The following PPARGC1A variants were observed in gnomAD, a reference collection of about 807,000 sequenced individuals.
The protein encoded by PPARGC1A is peroxisome proliferator-activated receptor gamma coactivator 1-alpha.
Under a neutral mutation model 88.7 loss-of-function variants are expected in PPARGC1A, and 25 were observed. The ratio of observed to expected loss-of-function variants is 0.28; its 90% CI spans 0.21 to 0.39. PPARGC1A has a LOEUF of 0.39. Ranked by LOEUF, PPARGC1A falls within the 10% of genes least tolerant of loss-of-function variation. The probability of loss-of-function intolerance (pLI) is 1.00; values close to 1 mark genes in which losing one functional copy is unlikely to be tolerated. For synonymous variants in PPARGC1A, 363 were observed against 355.6 expected (o/e 1.02, Z -0.24); for missense variants, 880 against 968.7 (o/e 0.91, Z 1.22).
At chr4:23,961,564 G>T in the PPARGC1A span, among the ~76,000 whole-genome samples, 3 of 152,152 alleles carry the variant, frequency 2.0e-5, no homozygotes, top group Non-Finnish European at 2.9e-5. Context: ...CAACCAGGCT[G>T]ACTGAGAAGG....
the PPARGC1A span, among the ~76,000 whole-genome samples, chr4:24,219,063 A>G: frequency 6.6e-6 from 1 of 152,192 alleles, no homozygotes; most frequent in Admixed American, 6.5e-5. Context: ...GACAAGAAAG[A>G]GGGGCTTATT....
the PPARGC1A span, among the ~76,000 whole-genome samples, chr4:24,047,189 G>T: frequency 0.29 from 43,586 of 152,036 alleles, 6,661 homozygotes; most frequent in South Asian, 0.45. Context: ...TCCCGTCAGA[G>T]TGATGCTCTC....
the PPARGC1A span, among the ~76,000 whole-genome samples, chr4:24,167,929 T>C: frequency 5.9e-5 from 9 of 152,180 alleles, no homozygotes; most frequent in South Asian, 1.9e-3. Flanking sequence ...ACTTTTTTTA[T>C]ATTTTTGGTA....
chr4:24,229,750 C>G, the PPARGC1A span, among the ~76,000 whole-genome samples: 94 of 149,702 alleles, frequency 6.3e-4, no homozygotes, highest in African/African-American at 2.2e-3. Context: ...GAGGCTGAGA[C>G]AGGAGAATCA....
At chr4:23,894,886 C>A (rs1718342873), upstream of PPARGC1A, among the ~76,000 whole-genome samples, 1 of 151,956 alleles carries the variant, frequency 6.6e-6, no homozygotes. Flanking sequence ...TTTCATTTAC[C>A]TTAATTATTC....
chr4:24,437,593 T>TG, the PPARGC1A span, among the ~76,000 whole-genome samples: 116 of 114,876 alleles, frequency 1.0e-3, no homozygotes, highest in South Asian at 4.1e-3. Context: ...GGCACAGGTT[T>TG]TTTGTTGTTG....
chr4:24,175,328 T>C, the PPARGC1A span, among the ~76,000 whole-genome samples: 1 of 151,770 alleles, frequency 6.6e-6, no homozygotes, highest in African/African-American at 2.4e-5. Flanking sequence ...CCATTGAGCT[T>C]ACTCTGATTT....
At chr4:24,196,296 G>C in the PPARGC1A span, among the ~76,000 whole-genome samples, 1 of 152,194 alleles carries the variant, frequency 6.6e-6, no homozygotes, top group South Asian at 2.1e-4. Context: ...GAGAAGGAGA[G>C]AAAAATGAAA....
the PPARGC1A span, among the ~76,000 whole-genome samples, chr4:24,023,610 C>T: frequency 2.2e-4 from 33 of 152,282 alleles, no homozygotes; most frequent in African/African-American, 6.3e-4. Flanking sequence ...TTCCCTTTGA[C>T]ACTTAAAATA....
the PPARGC1A span, among the ~76,000 whole-genome samples, chr4:23,958,575 T>G: frequency 6.6e-6 from 1 of 152,162 alleles, no homozygotes; most frequent in Non-Finnish European, 1.5e-5. Context: ...TATCAATTTT[T>G]CTCAAATACA....
the PPARGC1A span, among the ~76,000 whole-genome samples, chr4:23,991,085 A>G: frequency 1.3e-5 from 2 of 152,060 alleles, no homozygotes; most frequent in African/African-American, 2.4e-5. Flanking sequence ...CATATTACTA[A>G]TATTAACCAG....
At chr4:24,391,549 TG>T in the PPARGC1A span, among the ~76,000 whole-genome samples, 2 of 152,164 alleles carry the variant, frequency 1.3e-5, no homozygotes, top group African/African-American at 4.8e-5. Flanking sequence ...ACAATAATGG[TG>T]GTGTGGTCCC....
the PPARGC1A span, among the ~76,000 whole-genome samples, chr4:24,453,974 T>C: frequency 6.6e-6 from 1 of 152,096 alleles, no homozygotes; most frequent in Admixed American, 6.5e-5. Context: ...ATAGAAGTGA[T>C]GCTTTATTAG....
chr4:24,357,376 C>A, the PPARGC1A span, among the ~76,000 whole-genome samples: 14 of 152,330 alleles, frequency 9.2e-5, no homozygotes, highest in East Asian at 2.7e-3. Context: ...TCTTACTCCC[C>A]AGATTATACT....
chr4:23,831,590 G>A lies in PPARGC1A; in HGVS notation c.396C>T (p.Thr132=), dbSNP rs1204332339. 4 of 1,613,954 alleles carry A rather than the reference G, an allele frequency of 2.5e-6. No homozygotes were observed. Among genetic ancestry groups the A allele is most frequent in the Middle Eastern group, 1.6e-4 (1 of 6,068 alleles). ...GCTCTTCTGCCTCCTGGGGTGGAGG[G>A]GTGCCGTCAGGCATGGAGGAAGGAC... is the stretch of plus-strand genomic sequence containing the variant. ...EASPSSMPDG[T]PPPQEAEEPS... The change falls in exon 3 of 13, where the codon ACC becomes ACT. Residue 132 remains threonine, a synonymous_variant. Coordinates refer to ENST00000264867, the MANE Select transcript of PPARGC1A (RefSeq NM_013261.5).
the PPARGC1A span, among the ~76,000 whole-genome samples, chr4:24,185,400 A>G: frequency 6.6e-6 from 1 of 152,210 alleles, no homozygotes; most frequent in Non-Finnish European, 1.5e-5. Flanking sequence ...GAATTTTCCT[A>G]AAAGAAAAGA....
At chr4:23,844,307 C>CATATT (rs1727592785) in intron 2 of PPARGC1A, among the ~76,000 whole-genome samples, 1 of 40,264 alleles carries the variant, frequency 2.5e-5, no homozygotes, top group Non-Finnish European at 4.3e-5. Context: ...TACATGACAA[C>CATATT]ATATTATATT....
At chr4:24,294,058 A>G in the PPARGC1A span, among the ~76,000 whole-genome samples, 1 of 152,156 alleles carries the variant, frequency 6.6e-6, no homozygotes, top group Admixed American at 6.5e-5. Context: ...GAGCTCAATA[A>G]CTTGTCCCCA....
the PPARGC1A span, among the ~76,000 whole-genome samples, chr4:23,979,934 T>G: frequency 5.3e-5 from 8 of 152,198 alleles, no homozygotes; most frequent in Admixed American, 2.0e-4. Context: ...AACAGCCTTA[T>G]TGGGGCTGCT....
Sources: allele counts gnomAD v4.1 joint callset (sites outside exome capture counted in the v4.1 genomes callset), GRCh38; gene constraint gnomAD v4.1.1; transcripts MANE v1.5; gene names NCBI Gene and HGNC (gene_info 2026-07-23, HGNC 2026-07-21).